The following SPATA13 variants were observed in gnomAD, a reference collection of about 807,000 sequenced individuals.
SPATA13 encodes spermatogenesis-associated protein 13.
A neutral mutation model predicts 104.0 loss-of-function variants in SPATA13; 50 were observed. That is an observed-to-expected ratio of 0.48 (90% CI 0.38 to 0.61). The LOEUF (loss-of-function observed/expected upper bound fraction) is 0.61. Among genes scored for constraint, SPATA13 ranks in the 20% least tolerant of loss-of-function variants. SPATA13 has a pLI of 0.00. For synonymous variants in SPATA13, 606 were observed against 667.5 expected (o/e 0.91, Z 1.42); for missense variants, 1,524 against 1,690.6 (o/e 0.90, Z 1.73).
intron 4 of SPATA13, among the ~76,000 whole-genome samples, chr13:24,277,303 G>A (rs796828726): frequency 2.0e-5 from 3 of 152,126 alleles, no homozygotes; most frequent in Non-Finnish European, 2.9e-5. Flanking sequence ...AATTAGCTGG[G>A]TGTGGTGGCG....
intron 3 of SPATA13, among the ~76,000 whole-genome samples, chr13:24,084,774 C>T (rs1879665442): frequency 6.6e-6 from 1 of 152,156 alleles, no homozygotes; most frequent in Non-Finnish European, 1.5e-5. Context: ...AATCCCAACA[C>T]TGTGAGAAGC....
chr13:24,063,275 G>C (rs779183483), intron 3 of SPATA13, among the ~76,000 whole-genome samples: 1 of 152,186 alleles, frequency 6.6e-6, no homozygotes, highest in South Asian at 2.1e-4. Context: ...TTCATAGGAG[G>C]AGTGAAGGAT....
Position 24,222,995 on chromosome 13 carries a change from C to T in SPATA13, c.66C>T (p.Gly22=). ...AGAACATGACCACTGCCCCAAACGGCCTCGGGCCAGGCCCCGCAGCCCCCT... is the reference window on the plus strand; with the variant it reads ...AGAACATGACCACTGCCCCAAACGGTCTCGGGCCAGGCCCCGCAGCCCCCT... ...CLENMTTAPN[G]LGPGPAAPCA... Residue 22 remains glycine, a synonymous_variant, in exon 2 of 13, where the codon GGC becomes GGT. Coordinates refer to ENST00000382108, the MANE Select transcript of SPATA13 (RefSeq NM_001166271.3). 1 of 1,551,280 alleles carries T rather than the reference C, an allele frequency of 6.4e-7. No individual in the cohort carries two copies. Among genetic ancestry groups the T allele is most frequent in the Non-Finnish European group, 8.7e-7 (1 of 1,146,702 alleles).
intron 2 of SPATA13, among the ~76,000 whole-genome samples, chr13:24,237,448 G>T (rs1172894477): frequency 1.3e-5 from 2 of 152,262 alleles, no homozygotes; most frequent in East Asian, 1.9e-4. Flanking sequence ...AGTTACAAAA[G>T]AATAAATACT....
At chr13:24,117,734 G>A (rs1033710023) in intron 3 of SPATA13, among the ~76,000 whole-genome samples, 1 of 152,142 alleles carries the variant, frequency 6.6e-6, no homozygotes, top group Non-Finnish European at 1.5e-5. Flanking sequence ...AGTCCTCCCA[G>A]GACACTGCAG....
Position 24,279,924 on chromosome 13 carries a change from G to A in SPATA13, c.2165-4211G>A, listed in dbSNP as rs530151225. On this transcript the variant is annotated intron_variant, in intron 4 of 12. Transcript: ENST00000382108. Reference sequence around the variant, plus strand: ...GAGCGCTTCAAGCCATCTTGCTTCCGCAGTGTCGCTAACTACTAATCCATG... The same window carrying A: ...GAGCGCTTCAAGCCATCTTGCTTCCACAGTGTCGCTAACTACTAATCCATG... Among the ~76,000 whole-genome samples the A allele has an allele frequency of 3.9e-5, 6 of 152,322 alleles. No individual in the cohort carries two copies. In the East Asian group the frequency reaches 9.7e-4, roughly 25 times the overall value.
Position 24,222,951 on chromosome 13 carries a change from C to G in SPATA13, c.22C>G (p.Pro8Ala). 6.4e-7 allele frequency: 1 copy of G among 1,551,210 alleles called. No homozygotes were observed. Among genetic ancestry groups the G allele is most frequent in the Non-Finnish European group, 8.7e-7 (1 of 1,146,780 alleles). ...GGCCATGACCCAGGCTGCCGTGCGGCCCTGGGCACCCTGCCTGGAGAACAT... is the reference window on the plus strand; with the variant it reads ...GGCCATGACCCAGGCTGCCGTGCGGGCCTGGGCACCCTGCCTGGAGAACAT... MTQAAVR[P>A]WAPCLENMTT... is the part of the protein sequence containing the mutation. The change falls in exon 2 of 13, where the codon CCC becomes GCC. Residue 8 changes from proline to alanine, a missense_variant. Physicochemically the swap from Pro to Ala is conservative, Grantham distance 27. Coordinates refer to ENST00000382108, the MANE Select transcript of SPATA13 (RefSeq NM_001166271.3).
chr13:24,012,666 C>A (rs2137687714), intron 2 of SPATA13, among the ~76,000 whole-genome samples: 1 of 152,380 alleles, frequency 6.6e-6, no homozygotes, highest in East Asian at 1.9e-4. Context: ...AGCCAACCCC[C>A]AAGTGTGTGG....
chr13:24,286,903 A>G lies in SPATA13; in HGVS notation c.2620A>G (p.Met874Val). 1.2e-6 allele frequency: 2 copies of G among 1,613,642 alleles called. No homozygotes were observed. Among genetic ancestry groups the G allele is most frequent in the South Asian group, 1.1e-5 (1 of 91,072 alleles). ...GCGGACCAACGTCATCCGGGAGATC[A>G]TGGACACCGAGCGGGTGTACATCAA... Reference protein sequence around the residue: ...QMRTNVIREIMDTERVYIKHL... With the variant: ...QMRTNVIREIVDTERVYIKHL... Residue 874 changes from methionine (M) to valine (V), a missense_variant, in exon 7 of 13, where the codon ATG (methionine) becomes GTG (valine). Coordinates refer to ENST00000382108, the MANE Select transcript of SPATA13 (RefSeq NM_001166271.3). The surrounding 1 kb of genome is among the most constrained non-coding windows in gnomAD (Gnocchi z 4.9).
intron 3 of SPATA13, among the ~76,000 whole-genome samples, chr13:24,119,129 G>A (rs920347461): frequency 1.3e-5 from 2 of 151,932 alleles, no homozygotes. Flanking sequence ...GGATGGTCTC[G>A]ATCTCCTGAC....
chr13:24,285,089 G>T (rs778859526), intron 5 of SPATA13, among the ~76,000 whole-genome samples: 1 of 152,112 alleles, frequency 6.6e-6, no homozygotes, highest in Non-Finnish European at 1.5e-5. Context: ...TAACTCCTTA[G>T]TGAGTCAGCG....
At chr13:24,260,923 G>T (rs1446015047) in intron 4 of SPATA13, among the ~76,000 whole-genome samples, 1 of 152,216 alleles carries the variant, frequency 6.6e-6, no homozygotes. Flanking sequence ...TATGTTCATG[G>T]CATGCGTGCA....
intron 2 of SPATA13, among the ~76,000 whole-genome samples, chr13:24,235,709 A>G (rs1477361832): frequency 6.6e-6 from 1 of 152,186 alleles, no homozygotes; most frequent in Non-Finnish European, 1.5e-5. Flanking sequence ...GTGAGTTATG[A>G]TTGCACCACT....
At chr13:24,187,142 T>C (rs753083711) in intron 1 of SPATA13, among the ~76,000 whole-genome samples, 10 of 152,202 alleles carry the variant, frequency 6.6e-5, no homozygotes. Flanking sequence ...TCACTGCTTG[T>C]ATAATTCTAG....
chr13:24,262,078 C>T (rs1275623214), intron 4 of SPATA13, among the ~76,000 whole-genome samples: 1 of 152,172 alleles, frequency 6.6e-6, no homozygotes, highest in Non-Finnish European at 1.5e-5. Context: ...GAAGATTACA[C>T]ATCAGAAAAT....
Position 24,223,098 on chromosome 13 carries a change from G to C in SPATA13, c.169G>C (p.Gly57Arg), listed in dbSNP as rs377174085. The change falls in exon 2 of 13, where the codon GGT becomes CGT. Residue 57 changes from glycine (G) to arginine (R), a missense_variant. Physicochemically the swap from Gly to Arg is moderately radical, Grantham distance 125 (BLOSUM62 -2). Around this residue, in one of 2 missense-constraint regions of SPATA13, gnomAD observed 1,089 missense variants for 1,135.9 expected, o/e 0.96. Coordinates refer to ENST00000382108, the MANE Select transcript of SPATA13 (RefSeq NM_001166271.3). ...CGNGVCGCSP[G>R]GDTDTQEAKL... ...AAATGGAGTCTGTGGCTGCAGCCCT[G>C]GTGGCGACACGGACACCCAGGAAGC... 2 of 1,551,714 alleles carry C rather than the reference G, an allele frequency of 1.3e-6. No homozygotes were observed. Among genetic ancestry groups the C allele is most frequent in the South Asian group, 1.2e-5 (1 of 84,066 alleles).
At chr13:24,290,941 A>G in intron 9 of SPATA13, 57 bp downstream of exon 9, 1 of 1,404,412 alleles carries the variant, frequency 7.1e-7, no homozygotes, top group Non-Finnish European at 9.9e-7. Flanking sequence ...ACCCGTAGGC[A>G]GCTCTTAACT....
chr13:24,066,171 G>A (rs2137760146), intron 3 of SPATA13, among the ~76,000 whole-genome samples: 1 of 152,284 alleles, frequency 6.6e-6, no homozygotes, highest in South Asian at 2.1e-4. Flanking sequence ...TAATCAGTCT[G>A]TGACCAGAAT....
chr13:23,985,132 G>A (rs1593257047), intron 2 of SPATA13, among the ~76,000 whole-genome samples: 2 of 152,356 alleles, frequency 1.3e-5, no homozygotes, highest in Admixed American at 1.3e-4. Context: ...GACTTCCTCA[G>A]GCGTGGGCAT....
Sources: allele counts gnomAD v4.1 joint callset (sites outside exome capture counted in the v4.1 genomes callset), GRCh38; gene constraint gnomAD v4.1.1; regional missense constraint gnomAD v4.1.1; non-coding constraint Gnocchi (gnomAD v3.1); transcripts MANE v1.5; gene names NCBI Gene and HGNC (gene_info 2026-07-23, HGNC 2026-07-21).